Variants in NSMCE2 observed in about 807,000 individuals in gnomAD.
NSMCE2 encodes the protein NSE2 SUMO ligase component of SMC5/6 complex.
NSMCE2 carries 24 observed loss-of-function variants against 23.8 expected under a neutral mutation model. That is an observed-to-expected ratio of 1.01 (90% CI 0.73 to 1.42). NSMCE2 has a LOEUF of 1.42. Among genes scored for constraint, NSMCE2 ranks in the 40% most tolerant of loss-of-function variants. NSMCE2 has a pLI of 0.00. For synonymous variants in NSMCE2, 92 were observed against 94.1 expected, an observed-to-expected ratio of 0.98 and a Z score of 0.13; for missense variants, 284 against 296.5, an observed-to-expected ratio of 0.96 and a Z score of 0.31.
chr8:125,265,611 C>T (rs377215801), intron 5 of NSMCE2, among the ~76,000 whole-genome samples: 9 of 152,172 alleles, frequency 5.9e-5, no homozygotes, highest in African/African-American at 1.2e-4. Flanking sequence ...TAAATTTTGC[C>T]TCTCAGGCAG....
chr8:125,163,843 A>G (rs1020458421), intron 4 of NSMCE2, among the ~76,000 whole-genome samples: 3 of 152,220 alleles, frequency 2.0e-5, no homozygotes, highest in Non-Finnish European at 2.9e-5. Flanking sequence ...AATGACAGTC[A>G]GTGGTTGTGT....
At chr8:125,278,206 A>G (rs765543108) in intron 5 of NSMCE2, among the ~76,000 whole-genome samples, 1 of 152,202 alleles carries the variant, frequency 6.6e-6, no homozygotes, top group Non-Finnish European at 1.5e-5. Flanking sequence ...TTTATTTATA[A>G]AAAGAAAAAG....
intron 3 of NSMCE2, among the ~76,000 whole-genome samples, chr8:125,146,018 A>C (rs1339505846): frequency 6.6e-6 from 1 of 152,198 alleles, no homozygotes; most frequent in Non-Finnish European, 1.5e-5. Flanking sequence ...GGGGAAAAAT[A>C]ATTTTCTTTT....
At chr8:125,342,020 G>C (rs914563774) in intron 5 of NSMCE2, among the ~76,000 whole-genome samples, 4 of 152,076 alleles carry the variant, frequency 2.6e-5, no homozygotes, top group African/African-American at 7.2e-5. Context: ...TGCCTCAGGT[G>C]GTGGGGGGGT....
At chr8:125,154,308 C>T (rs1274474093) in intron 4 of NSMCE2, among the ~76,000 whole-genome samples, 1 of 152,060 alleles carries the variant, frequency 6.6e-6, no homozygotes, top group Non-Finnish European at 1.5e-5. Flanking sequence ...AAAGATTATG[C>T]TCCTTTTGAA....
At chr8:125,321,090 G>A (rs766220210) in intron 5 of NSMCE2, among the ~76,000 whole-genome samples, 9 of 152,058 alleles carry the variant, frequency 5.9e-5, no homozygotes, top group Non-Finnish European at 1.3e-4. Context: ...CCATGATCCA[G>A]TCACCTCCCA....
chr8:125,345,795 G>A (rs1032325109), intron 5 of NSMCE2, among the ~76,000 whole-genome samples: 1 of 152,202 alleles, frequency 6.6e-6, no homozygotes, highest in Admixed American at 6.5e-5. Context: ...GGATTGAAGT[G>A]AGTAGAGTAG....
intron 5 of NSMCE2, among the ~76,000 whole-genome samples, chr8:125,319,766 A>G (rs1176452268): frequency 6.6e-6 from 1 of 152,236 alleles, no homozygotes; most frequent in African/African-American, 2.4e-5. Flanking sequence ...ATTGTGGGAC[A>G]GTCTCAGGGA....
chr8:125,144,804 T>G (rs1230008232), intron 3 of NSMCE2, among the ~76,000 whole-genome samples: 1 of 152,220 alleles, frequency 6.6e-6, no homozygotes, highest in Non-Finnish European at 1.5e-5. Flanking sequence ...TGAATTTGAT[T>G]ATAACACAAA....
chr8:125,261,189 C>G (rs1424832105), intron 5 of NSMCE2, among the ~76,000 whole-genome samples: 1 of 152,154 alleles, frequency 6.6e-6, no homozygotes, highest in Non-Finnish European at 1.5e-5. Context: ...TATTGTTTAA[C>G]ACTTATTGAC....
intron 5 of NSMCE2, among the ~76,000 whole-genome samples, chr8:125,213,275 G>A (rs1224848511): frequency 6.6e-6 from 1 of 152,080 alleles, no homozygotes; most frequent in Non-Finnish European, 1.5e-5. Context: ...TCTTCATGGG[G>A]TTATCTGTAG....
At chr8:125,296,206 A>T (rs1203702448) in intron 5 of NSMCE2, among the ~76,000 whole-genome samples, 1 of 152,154 alleles carries the variant, frequency 6.6e-6, no homozygotes, top group Non-Finnish European at 1.5e-5. Context: ...AGGTAAATTT[A>T]GTGTTGTCAT....
chr8:125,140,050 A>G (rs1374391272), intron 3 of NSMCE2, among the ~76,000 whole-genome samples: 1 of 152,244 alleles, frequency 6.6e-6, no homozygotes, highest in Admixed American at 6.5e-5. Flanking sequence ...TTACTGTCCC[A>G]AGAACCTCAC....
rs748324674 is a variant in NSMCE2, at chr8:125,366,867, A to G, written c.726A>G (p.Arg242=). 2.5e-6 allele frequency: 4 copies of G among 1,606,280 alleles called. No individual in the cohort carries two copies. The highest frequency in any genetic ancestry group is 1.7e-6 in the Non-Finnish European group (2 of 1,173,000). The change falls in exon 8 of 8, where the codon AGA becomes AGG. Residue 242 remains arginine (R), a synonymous_variant. Coordinates refer to ENST00000287437, the MANE Select transcript of NSMCE2 (RefSeq NM_173685.4). ...RRAIENHNKK[R]HRHSE ...CAATTGAGAACCATAACAAGAAAAG[A>G]CATCGTCATTCCGAGTAGGAAAAGC...
rs187179998 is a variant in NSMCE2, at chr8:125,115,668, T to G, written c.157+13181T>G. Among the ~76,000 whole-genome samples the G allele has an allele frequency of 3.2e-3, 489 of 152,278 alleles. 1 individual carries two copies. The highest frequency in any genetic ancestry group is 0.011 in the African/African-American group (460 of 41,566). On this transcript the variant is annotated intron_variant, in intron 3 of 7. Coordinates refer to ENST00000287437, the MANE Select transcript of NSMCE2 (RefSeq NM_173685.4). ...TGGGAGGCTGAGGCAGGAGAATTGC[T>G]AGAACCAGGTGGGTGGAGGTTGCAG...
At chr8:125,288,248 C>T (rs1827975319) in intron 5 of NSMCE2, among the ~76,000 whole-genome samples, 1 of 152,220 alleles carries the variant, frequency 6.6e-6, no homozygotes, top group Admixed American at 6.5e-5. Context: ...TGAGCTCCCT[C>T]ACCATAATCC....
intron 5 of NSMCE2, among the ~76,000 whole-genome samples, chr8:125,313,244 GA>G (rs1233261551): frequency 2.4e-4 from 35 of 144,776 alleles, no homozygotes; most frequent in African/African-American, 8.1e-4. Flanking sequence ...AAGAAAGAAA[GA>G]AAAGAAAAGA....
chr8:125,161,615 T>C (rs1231027951), intron 4 of NSMCE2, among the ~76,000 whole-genome samples: 2 of 151,864 alleles, frequency 1.3e-5, no homozygotes, highest in Non-Finnish European at 2.9e-5. Context: ...CTGGCCAACA[T>C]GGTGAAACGC....
intron 5 of NSMCE2, among the ~76,000 whole-genome samples, chr8:125,246,093 A>G (rs939082202): frequency 6.6e-6 from 1 of 152,200 alleles, no homozygotes; most frequent in Admixed American, 6.5e-5. Flanking sequence ...TTTAAAAAAC[A>G]TATTTGAAAA....
Sources: gnomAD v4.1 joint callset for allele counts (sites outside exome capture counted in the v4.1 genomes callset) on GRCh38, gnomAD v4.1.1 for gene constraint, MANE v1.5 for transcripts, NCBI Gene and HGNC (gene_info 2026-07-23, HGNC 2026-07-21) for gene names.